The following HMCN2 variants were observed in gnomAD, a reference collection of about 807,000 sequenced individuals.
HMCN2 encodes the protein hemicentin-2.
Under a neutral mutation model 377.5 loss-of-function variants are expected in HMCN2, and 325 were observed. The ratio of observed to expected loss-of-function variants is 0.86; its 90% CI spans 0.79 to 0.94. HMCN2 has a LOEUF of 0.94. HMCN2 is among the 40% of genes least tolerant of loss of function. The pLI is 0.00. For missense variants in HMCN2, 4,543 were observed against 4,725.3 expected (o/e 0.96, Z 1.13); for synonymous variants, 2,007 against 2,046.8 (o/e 0.98, Z 0.53).
chr9:130,405,442 C>T lies in HMCN2; in HGVS notation c.12339+383C>T, dbSNP rs115009474. Among the ~76,000 whole-genome samples, 1,066 of 152,316 alleles carry T rather than the reference C, an allele frequency of 7.0e-3. 14 individuals are homozygous for T. Among genetic ancestry groups the T allele is most frequent in the African/African-American group, 0.024 (986 of 41,578 alleles). ...GGGTATGGGTGGGACCCCCAACCTC[C>T]TTCCCCTCAGCACTCATCAGATTCT... On this transcript the variant is annotated intron_variant, in intron 81 of 97. Transcript: ENST00000683500.
chr9:130,285,096 C>T (rs1164844329), intron 2 of HMCN2, 62 bp from the exon 3 acceptor site: 1 of 459,244 alleles, frequency 2.2e-6, no homozygotes. Context: ...TTGGAGATGT[C>T]CCTGGGTGGG....
In HMCN2 at chr9:130,428,292, G is replaced by A. The variant is rs116683362; in HGVS notation, c.14066-66G>A. On this transcript the variant is annotated intron_variant, in intron 92 of 97. Coordinates refer to ENST00000683500, the MANE Select transcript of HMCN2 (RefSeq NM_001291815.2). The surrounding 1 kb of genome is among the most constrained non-coding windows in gnomAD (Gnocchi z 5.0). The stretch of plus-strand genomic sequence containing the variant: ...AAGCCTCTGTGGATAGGCCGGGCCA[G>A]GGTCAGGTGGCGAGGCACGCCTGGG... The A allele has an allele frequency of 2.5e-3, 3,630 of 1,463,598 alleles. 33 individuals are homozygous for A. Among genetic ancestry groups the A allele is most frequent in the African/African-American group, 0.017 (1,232 of 71,748 alleles). 90.7% of individuals were successfully genotyped at this position (1,463,598 alleles called of 1,614,324 possible).
chr9:130,410,463 C>T, intron 84 of HMCN2, 108 bp from the exon 85 acceptor site: 1 of 972,700 alleles, frequency 1.0e-6, no homozygotes, highest in Non-Finnish European at 1.6e-6. Flanking sequence ...GGCTGGTTCA[C>T]AGCCTAAGCC....
chr9:130,310,698 G>T (rs1837201134), intron 15 of HMCN2, among the ~76,000 whole-genome samples: 1 of 152,024 alleles, frequency 6.6e-6, no homozygotes, highest in Non-Finnish European at 1.5e-5. Flanking sequence ...CTACCCATGG[G>T]TGTGAACACG....
chr9:130,403,839 G>C lies in HMCN2; in HGVS notation c.12112G>C (p.Gly4038Arg). ...TCTCTGCATCGCTAAGAACAGTGCG[G>C]GCAGTGCCATGGGGAAGACGCGGCT... Reference protein sequence around the residue: ...NYLCIAKNSAGSAMGKTRLVV... With the variant: ...NYLCIAKNSARSAMGKTRLVV... Residue 4038 changes from glycine (G) to arginine (R), a missense_variant, in exon 80 of 98, where the codon GGC becomes CGC. This residue lies in a region of HMCN2 where 1,073 missense variants were observed against 1,319.5 expected (regional missense o/e 0.81). Transcript: ENST00000683500. The C allele has an allele frequency of 7.8e-7, 1 of 1,289,774 alleles. No individual in the cohort carries two copies. The highest frequency in any genetic ancestry group is 2.3e-5 in the Admixed American group (1 of 43,564). The allele number at this position is 1,289,774 out of a possible 1,614,324, so 79.9% of individuals were successfully genotyped here. A position where few individuals can be genotyped will look rare whatever the true frequency, so the allele number is the denominator to read the frequency against.
Position 130,430,411 on chromosome 9 carries a change from G to A in HMCN2, c.14454G>A (p.Leu4818=). The A allele has an allele frequency of 6.4e-7, 1 of 1,550,512 alleles. No homozygotes were observed. The highest frequency in any genetic ancestry group is 2.0e-5 in the Admixed American group (1 of 51,012). ...LLRDGKACTS[L]ERNGQNVTTV... is the part of the protein sequence containing the mutation. ...GCGACGGCAAGGCCTGCACCTCACT[G>A]GAGCGGAATGGACAAAATGTGACCA... Residue 4818 remains leucine (L), a synonymous_variant, in exon 95 of 98, where the codon CTG becomes CTA. Coordinates refer to ENST00000683500, the MANE Select transcript of HMCN2 (RefSeq NM_001291815.2).
At chr9:130,376,944 C>T (rs1329007210) in intron 52 of HMCN2, among the ~76,000 whole-genome samples, 1 of 151,022 alleles carries the variant, frequency 6.6e-6, no homozygotes, top group African/African-American at 2.4e-5. Context: ...ATTACAGGTG[C>T]CCGCCACCAT....
rs1380837272 is a variant in HMCN2 at position 130,433,744 on chromosome 9, C to A, written c.*51C>A. The stretch of plus-strand genomic sequence containing the variant: ...CTGGCGTGACCCCCGAGGAAGGGGT[C>A]GAGGAGAAGCTTGGTCCACGCCACC... On this transcript the variant is annotated 3_prime_UTR_variant, in exon 98 of 98. Coordinates refer to ENST00000683500, the MANE Select transcript of HMCN2 (RefSeq NM_001291815.2). The A allele has an allele frequency of 3.7e-6, 5 of 1,346,786 alleles. No homozygotes were observed. Among genetic ancestry groups the A allele is most frequent in the South Asian group, 1.6e-5 (1 of 61,222 alleles). The allele number at this position is 1,346,786 out of a possible 1,614,324, so 83.4% of individuals were successfully genotyped here.
At chr9:130,398,870 A>G (rs1166857848) in intron 75 of HMCN2, among the ~76,000 whole-genome samples, 163 bp downstream of exon 75, 1 of 152,160 alleles carries the variant, frequency 6.6e-6, no homozygotes, top group Non-Finnish European at 1.5e-5. Context: ...GAGTCTTCAC[A>G]CTGAGATAGG....
intron 34 of HMCN2, among the ~76,000 whole-genome samples, chr9:130,357,138 A>G: frequency 6.9e-6 from 1 of 145,814 alleles, no homozygotes. Flanking sequence ...GCATGGGTGG[A>G]TAGAAGGGTG....
intron 15 of HMCN2, among the ~76,000 whole-genome samples, chr9:130,310,616 C>T (rs868952061): frequency 5.4e-5 from 5 of 92,094 alleles, no homozygotes; most frequent in African/African-American, 1.5e-4. Flanking sequence ...CACCAGGAGG[C>T]GGGGGCTACC....
Position 130,267,435 on chromosome 9 carries a change from AACACACACACACACACACAC to A in HMCN2, c.259+1321_259+1340del, listed in dbSNP as rs36122739. Among the ~76,000 whole-genome samples, 20 of 145,892 alleles carry A rather than the reference AACACACACACACACACACAC, an allele frequency of 1.4e-4. No individual in the cohort carries two copies. The South Asian group carries it at 2.0e-3, about 15-fold the overall frequency. ...ACAAACAAACAACCCCCCCAAATAA[AACACACACACACACACACAC>A]ACACACACACACACACACACACGCA... On this transcript the variant is annotated intron_variant, in intron 1 of 97. Transcript: ENST00000683500.
At chr9:130,352,147 A>T (rs1020873131) in intron 30 of HMCN2, among the ~76,000 whole-genome samples, 4 of 152,130 alleles carry the variant, frequency 2.6e-5, no homozygotes, top group Non-Finnish European at 5.9e-5. Flanking sequence ...TGGAATTATG[A>T]TTTACTTTTC....
At chr9:130,392,852 C>T (rs566627746) in intron 66 of HMCN2, among the ~76,000 whole-genome samples, 20 of 151,900 alleles carry the variant, frequency 1.3e-4, no homozygotes, top group South Asian at 4.2e-4. Context: ...AAAAATTAGC[C>T]GGGCCTGGTG....
rs1836703028 is a variant in HMCN2, at chr9:130,304,169, T to G, written c.1543+561T>G. Among the ~76,000 whole-genome samples, 1 of 152,206 alleles carries G rather than the reference T, an allele frequency of 6.6e-6. No homozygotes were observed. The highest frequency in any genetic ancestry group is 6.5e-5 in the Admixed American group (1 of 15,284). ...CAACCCAAGAGAAGATCAAAATAAC[T>G]TGTAATCCCTCCATTCTGCCATTTG... On this transcript the variant is annotated intron_variant, in intron 10 of 97. Coordinates refer to ENST00000683500, the MANE Select transcript of HMCN2 (RefSeq NM_001291815.2). This position sits in a 1 kb window ranked among gnomAD's most constrained non-coding sequence, Gnocchi z 4.3.
rs1356077161 is a variant in HMCN2, at chr9:130,354,751, C to T, written c.4865-12C>T. 1 of 1,288,058 alleles carries T rather than the reference C, an allele frequency of 7.8e-7. No individual in the cohort carries two copies. The highest frequency in any genetic ancestry group is 1.5e-5 in the African/African-American group (1 of 65,582). The allele number at this position is 1,288,058 out of a possible 1,614,324, so 79.8% of individuals were successfully genotyped here. On this transcript the variant is annotated splice_polypyrimidine_tract_variant and intron_variant, in intron 31 of 97. Transcript: ENST00000683500. ...GCTGTGGTCCCCAAGCCGCCCCCTG[C>T]CTCTTTTCCAGTCCCACCTACCATC...
intron 43 of HMCN2, among the ~76,000 whole-genome samples, chr9:130,367,011 A>G (rs540006944): frequency 9.8e-5 from 15 of 152,286 alleles, no homozygotes; most frequent in African/African-American, 3.6e-4. Flanking sequence ...AGCGGACTTG[A>G]AAAGCTAAGG....
In HMCN2 at chr9:130,379,868, C is replaced by CT. The variant is rs1339413748; in HGVS notation, c.8431+402dup. Among the ~76,000 whole-genome samples, 11 of 151,722 alleles carry CT rather than the reference C, an allele frequency of 7.3e-5. No homozygotes were observed. In the South Asian group the frequency reaches 1.9e-3, roughly 26 times the overall value. Reference sequence around the variant, plus strand: ...TGTCTTTTGTGTCTGGGTTTTTTTTCTATTTTTTTCTATTTTTATTTTTTG... The same window carrying CT: ...TGTCTTTTGTGTCTGGGTTTTTTTTCTTATTTTTTTCTATTTTTATTTTTTG... On this transcript the variant is annotated intron_variant, in intron 54 of 97. Transcript: ENST00000683500.
intron 66 of HMCN2, among the ~76,000 whole-genome samples, chr9:130,392,913 G>A (rs1013027173): frequency 7.2e-5 from 11 of 151,904 alleles, no homozygotes; most frequent in East Asian, 1.9e-4. Context: ...GGAGAATGGC[G>A]TGAACCCGGG....
Sources: gnomAD v4.1 joint callset for allele counts (sites outside exome capture counted in the v4.1 genomes callset) on GRCh38, gnomAD v4.1.1 for gene constraint, gnomAD v4.1.1 regional missense constraint, Gnocchi (gnomAD v3.1) non-coding constraint, MANE v1.5 for transcripts, NCBI Gene and HGNC (gene_info 2026-07-23, HGNC 2026-07-21) for gene names.